GSTCD: variants seen among roughly 807,000 people sequenced by gnomAD.
GSTCD encodes glutathione S-transferase C-terminal domain containing, also known as glutathione S-transferase C-terminal domain-containing protein.
A neutral mutation model predicts 68.3 loss-of-function variants in GSTCD; 44 were observed. The ratio of observed to expected loss-of-function variants is 0.64; its 90% CI spans 0.51 to 0.83. The LOEUF is 0.83. GSTCD is among the 40% of genes least tolerant of loss of function. The pLI, the probability that GSTCD is intolerant of heterozygous loss-of-function variation, is 0.00. For synonymous variants in GSTCD, 273 were observed against 255.2 expected (o/e 1.07, Z -0.67); for missense variants, 739 against 735.9 (o/e 1.00, Z -0.05).
chr4:105,733,622 G>A (rs2149215401), intron 5 of GSTCD, among the ~76,000 whole-genome samples: 1 of 152,270 alleles, frequency 6.6e-6, no homozygotes, highest in African/African-American at 2.4e-5. Context: ...GCACACTGAT[G>A]GGTGTTGACT....
At chr4:105,771,283 G>A (rs1199046369) in intron 5 of GSTCD, among the ~76,000 whole-genome samples, 5 of 151,798 alleles carry the variant, frequency 3.3e-5, no homozygotes, top group Admixed American at 6.6e-5. Flanking sequence ...TTTAACAGAT[G>A]GATAAATTGC....
At chr4:105,767,376 G>C (rs767735774) in intron 5 of GSTCD, among the ~76,000 whole-genome samples, 14 of 152,030 alleles carry the variant, frequency 9.2e-5, no homozygotes, top group Non-Finnish European at 1.6e-4. Flanking sequence ...TAAACTTAAG[G>C]TTAAACTTAA....
At chr4:105,834,242 C>A (rs994569036) in intron 8 of GSTCD, among the ~76,000 whole-genome samples, 246 of 152,258 alleles carry the variant, frequency 1.6e-3, no homozygotes, top group African/African-American at 5.7e-3. Flanking sequence ...TTAATTTTTC[C>A]ACACTAAAAT....
intron 5 of GSTCD, among the ~76,000 whole-genome samples, chr4:105,791,710 A>G (rs904193293): frequency 6.6e-6 from 1 of 152,084 alleles, no homozygotes; most frequent in African/African-American, 2.4e-5. Flanking sequence ...CTCATTCACT[A>G]CTGGATTCCC....
At chr4:105,791,591 C>G (rs1735677952) in intron 5 of GSTCD, among the ~76,000 whole-genome samples, 1 of 151,990 alleles carries the variant, frequency 6.6e-6, no homozygotes, top group African/African-American at 2.4e-5. Context: ...ACATTCCTGT[C>G]ATTATCAGGT....
intron 5 of GSTCD, among the ~76,000 whole-genome samples, chr4:105,769,758 T>G (rs1734768962): frequency 6.6e-6 from 1 of 152,130 alleles, no homozygotes; most frequent in Non-Finnish European, 1.5e-5. Context: ...ATACAGATTT[T>G]ATTTTATTTA....
At chr4:105,829,090 C>T (rs1315453113) in intron 8 of GSTCD, among the ~76,000 whole-genome samples, 1 of 150,922 alleles carries the variant, frequency 6.6e-6, no homozygotes, top group Non-Finnish European at 1.5e-5. Flanking sequence ...ACCACAGAAA[C>T]CAGGATCATT....
intron 5 of GSTCD, among the ~76,000 whole-genome samples, chr4:105,767,237 G>A (rs1734652620): frequency 6.6e-6 from 1 of 152,146 alleles, no homozygotes; most frequent in Non-Finnish European, 1.5e-5. Flanking sequence ...CTGAAACTCG[G>A]ATGCAATGAT....
chr4:105,765,474 A>G (rs1465308362), intron 5 of GSTCD, among the ~76,000 whole-genome samples: 3 of 152,230 alleles, frequency 2.0e-5, no homozygotes, highest in African/African-American at 7.2e-5. Context: ...GTTTCTTTCA[A>G]ATCTTGAAAC....
rs752955071 is a variant in GSTCD, at chr4:105,768,436, A to AG, written c.1240+38937_1240+38938insG. Among the ~76,000 whole-genome samples, 19 of 152,126 alleles carry AG rather than the reference A, an allele frequency of 1.2e-4. No individual in the cohort carries two copies. In the East Asian group the frequency reaches 3.3e-3, roughly 26 times the overall value. ...TTCTTAGCAGTCTATAGGTTTAAAA[A>AG]TTTTCCTTTAGAATTTGAAAGGACC... On this transcript the variant is annotated intron_variant, in intron 5 of 11. Transcript: ENST00000515279.
intron 1 of GSTCD, among the ~76,000 whole-genome samples, chr4:105,710,197 C>T (rs1218331186): frequency 2.0e-5 from 3 of 147,130 alleles, no homozygotes; most frequent in Non-Finnish European, 4.5e-5. Context: ...TTAAACACAG[C>T]TCAAACTTGA....
At chr4:105,716,686 C>T (rs1454615580) in intron 1 of GSTCD, among the ~76,000 whole-genome samples, 1 of 152,218 alleles carries the variant, frequency 6.6e-6, no homozygotes, top group Non-Finnish European at 1.5e-5. Context: ...CCCATCCCCC[C>T]ACCAACCTCC....
In GSTCD at chr4:105,724,576, A is replaced by G. The variant is rs75428036; in HGVS notation, c.895-2003A>G. On this transcript the variant is annotated intron_variant, in intron 3 of 11. Transcript: ENST00000515279. ...TCTTACATTATTGGTAAGGAATATC[A>G]TTTAGATTATGCCTAATAGTTCACA... 3.2e-3 allele frequency among the ~76,000 whole-genome samples: 483 copies of G among 151,872 alleles called. 3 individuals carry two copies. The highest frequency in any genetic ancestry group is 2.6e-3 in the Non-Finnish European group (174 of 67,798).
chr4:105,811,522 G>A (rs1722746701), intron 5 of GSTCD, among the ~76,000 whole-genome samples: 1 of 123,272 alleles, frequency 8.1e-6, no homozygotes, highest in Non-Finnish European at 1.7e-5. Context: ...CACACTCTGG[G>A]GACTGTTGTG....
At chr4:105,802,125 A>G (rs916448903) in intron 5 of GSTCD, among the ~76,000 whole-genome samples, 2 of 152,140 alleles carry the variant, frequency 1.3e-5, no homozygotes, top group Non-Finnish European at 2.9e-5. Flanking sequence ...ATAGTACAGT[A>G]TATAAAAACT....
intron 5 of GSTCD, among the ~76,000 whole-genome samples, chr4:105,788,660 G>C (rs1326814347): frequency 6.6e-6 from 1 of 151,996 alleles, no homozygotes; most frequent in Non-Finnish European, 1.5e-5. Flanking sequence ...CTTTATCACA[G>C]TCTAAAGAGC....
intron 1 of GSTCD, among the ~76,000 whole-genome samples, chr4:105,709,396 C>G (rs1732439811): frequency 6.6e-6 from 1 of 152,150 alleles, no homozygotes; most frequent in Non-Finnish European, 1.5e-5. Flanking sequence ...CTTCTCTTCT[C>G]TCTTTGGCAT....
rs1176580974 is a variant in GSTCD, at chr4:105,791,347, C to T, written c.1241-31607C>T. On this transcript the variant is annotated intron_variant, in intron 5 of 11. Coordinates refer to ENST00000515279, the MANE Select transcript of GSTCD (RefSeq NM_001370181.1). ...GGCGGAGCTTGCAGTGAGCCGAGAT[C>T]GCGCCACTGCACTCCAGCCTGGGCA... Among the ~76,000 whole-genome samples, 94 of 147,758 alleles carry T rather than the reference C, an allele frequency of 6.4e-4. 2 individuals carry two copies. Among genetic ancestry groups the T allele is most frequent in the African/African-American group, 2.3e-3 (90 of 39,674 alleles).
chr4:105,725,556 C>T (rs908303688), intron 3 of GSTCD, among the ~76,000 whole-genome samples: 1 of 151,960 alleles, frequency 6.6e-6, no homozygotes, highest in African/African-American at 2.4e-5. Flanking sequence ...CTTGTTTTAA[C>T]TTGTAATTCT....
Sources: allele counts gnomAD v4.1 joint callset (sites outside exome capture counted in the v4.1 genomes callset), GRCh38; gene constraint gnomAD v4.1.1; transcripts MANE v1.5; gene names NCBI Gene and HGNC (gene_info 2026-07-23, HGNC 2026-07-21).